Variants in PLCL1 observed in about 807,000 individuals in gnomAD.
The protein encoded by PLCL1 is inactive phospholipase C-like protein 1.
In PLCL1, 41 loss-of-function variants were observed where a neutral mutation model predicts 84.4. The observed-to-expected ratio is 0.49, with a 90% CI of 0.38 to 0.63. PLCL1 has a LOEUF of 0.63. Ranked by LOEUF, PLCL1 falls within the 30% of genes least tolerant of loss-of-function variation. The probability of loss-of-function intolerance (pLI) is 0.00; values close to 1 mark genes in which losing one functional copy is unlikely to be tolerated. For synonymous variants in PLCL1, 490 were observed against 488.3 expected (o/e 1.00, Z -0.05); for missense variants, 1,206 against 1,367.8 (o/e 0.88, Z 1.87).
chr2:198,110,961 T>C (rs1456605438), intron 5 of PLCL1, among the ~76,000 whole-genome samples: 1 of 151,708 alleles, frequency 6.6e-6, no homozygotes, highest in Admixed American at 6.6e-5. Flanking sequence ...ACAACAACAA[T>C]AATGCATTAA....
intron 3 of PLCL1, among the ~76,000 whole-genome samples, chr2:198,093,886 A>G (rs1693116748): frequency 6.6e-6 from 1 of 152,104 alleles, no homozygotes; most frequent in African/African-American, 2.4e-5. Context: ...TATTCTAGAA[A>G]ACACTGACCC....
chr2:198,051,173 G>A (rs575598501), intron 1 of PLCL1, among the ~76,000 whole-genome samples: 2 of 152,114 alleles, frequency 1.3e-5, no homozygotes, highest in African/African-American at 4.8e-5. Flanking sequence ...ACTGAAAAAT[G>A]GATAACAAGA....
At chr2:197,953,305 C>T (rs551583041) in intron 1 of PLCL1, among the ~76,000 whole-genome samples, 1 of 152,186 alleles carries the variant, frequency 6.6e-6, no homozygotes, top group South Asian at 2.1e-4. Flanking sequence ...TCAAACTGGA[C>T]TCCTTGCCTA....
At chr2:197,899,902 T>A (rs956258833) in intron 1 of PLCL1, among the ~76,000 whole-genome samples, 2 of 152,180 alleles carry the variant, frequency 1.3e-5, no homozygotes, top group East Asian at 3.8e-4. Context: ...CCCAAAGTGC[T>A]GGGATTACAG....
chr2:198,009,622 C>T (rs1306896108), intron 1 of PLCL1, among the ~76,000 whole-genome samples: 1 of 151,978 alleles, frequency 6.6e-6, no homozygotes, highest in Non-Finnish European at 1.5e-5. Context: ...AAGTGTGATG[C>T]CTCTGACTTT....
intron 3 of PLCL1, among the ~76,000 whole-genome samples, chr2:198,097,200 T>C (rs3771360): frequency 0.14 from 22,007 of 152,192 alleles, 2,007 homozygotes; most frequent in Middle Eastern, 0.27. Context: ...TGCTGTATTC[T>C]TGGGGTATGG....
chr2:197,831,203 A>G (rs1449759818), intron 1 of PLCL1, among the ~76,000 whole-genome samples: 2 of 152,180 alleles, frequency 1.3e-5, no homozygotes, highest in African/African-American at 4.8e-5. Flanking sequence ...AAATACCCCA[A>G]TTAAAAGACA....
intron 1 of PLCL1, among the ~76,000 whole-genome samples, chr2:197,821,964 G>GA: frequency 6.6e-6 from 1 of 152,268 alleles, no homozygotes; most frequent in South Asian, 2.1e-4. Flanking sequence ...ACCTGGTTAG[G>GA]AAAATTGACC....
chr2:198,015,391 A>G (rs1690973142), intron 1 of PLCL1, among the ~76,000 whole-genome samples: 1 of 152,144 alleles, frequency 6.6e-6, no homozygotes, highest in South Asian at 2.1e-4. Context: ...TTTTTTCCAC[A>G]CTTTTATTTT....
chr2:198,063,809 G>A, intron 1 of PLCL1, among the ~76,000 whole-genome samples: 1 of 152,144 alleles, frequency 6.6e-6, no homozygotes, highest in East Asian at 1.9e-4. Context: ...CCTCTCTGAT[G>A]ATTTGAAATA....
intron 1 of PLCL1, among the ~76,000 whole-genome samples, chr2:197,819,227 G>T (rs1470511194): frequency 6.6e-6 from 1 of 152,080 alleles, no homozygotes; most frequent in Non-Finnish European, 1.5e-5. Flanking sequence ...TAGCAGGGAA[G>T]AGAAAGGGAG....
chr2:197,947,423 C>T (rs1241536759), intron 1 of PLCL1, among the ~76,000 whole-genome samples: 2 of 151,872 alleles, frequency 1.3e-5, no homozygotes, highest in African/African-American at 2.4e-5. Flanking sequence ...TTTCAGGTGC[C>T]GCTGCTGCTG....
intron 3 of PLCL1, among the ~76,000 whole-genome samples, chr2:198,094,740 G>T (rs1471185533): frequency 6.6e-6 from 1 of 152,170 alleles, no homozygotes; most frequent in Admixed American, 6.5e-5. Flanking sequence ...AGCGAGAGAT[G>T]GTAATGACAG....
intron 5 of PLCL1, among the ~76,000 whole-genome samples, chr2:198,110,650 A>G (rs892721826): frequency 2.0e-5 from 3 of 151,882 alleles, no homozygotes; most frequent in South Asian, 4.1e-4. Context: ...GCTACCCTTC[A>G]CTTACTGGCC....
At chr2:197,925,939 C>T (rs1688822495) in intron 1 of PLCL1, among the ~76,000 whole-genome samples, 1 of 152,182 alleles carries the variant, frequency 6.6e-6, no homozygotes, top group South Asian at 2.1e-4. Flanking sequence ...ATCTTAAATA[C>T]ATTCTGAATG....
At chr2:198,019,996 G>T (rs534761274) in intron 1 of PLCL1, among the ~76,000 whole-genome samples, 1 of 152,144 alleles carries the variant, frequency 6.6e-6, no homozygotes, top group Non-Finnish European at 1.5e-5. Flanking sequence ...GAGAAAAATC[G>T]AGTTACCCAC....
chr2:197,976,623 A>G (rs906061541), intron 1 of PLCL1, among the ~76,000 whole-genome samples: 1 of 151,904 alleles, frequency 6.6e-6, no homozygotes, highest in Non-Finnish European at 1.5e-5. Flanking sequence ...TAATTTTTGT[A>G]TTTTTAGTGG....
chr2:197,939,207 A>C (rs950982724), intron 1 of PLCL1, among the ~76,000 whole-genome samples: 1 of 152,160 alleles, frequency 6.6e-6, no homozygotes, highest in Non-Finnish European at 1.5e-5. Context: ...AAGTATAAGC[A>C]ACTGCTGCTT....
At chr2:198,046,441 A>G (rs777633101) in intron 1 of PLCL1, among the ~76,000 whole-genome samples, 2 of 152,236 alleles carry the variant, frequency 1.3e-5, no homozygotes, top group Admixed American at 1.3e-4. Flanking sequence ...GACGCAGAAG[A>G]CGGGTGATTT....
Sources: allele counts gnomAD v4.1 joint callset (sites outside exome capture counted in the v4.1 genomes callset), GRCh38; gene constraint gnomAD v4.1.1; transcripts MANE v1.5; gene names NCBI Gene and HGNC (gene_info 2026-07-23, HGNC 2026-07-21).